The following PRKD2 variants were observed in gnomAD, a reference collection of about 807,000 sequenced individuals.
PRKD2 encodes the protein protein kinase D2.
PRKD2 carries 22 observed loss-of-function variants against 86.0 expected under a neutral mutation model. The observed-to-expected ratio is 0.26, with a 90% CI of 0.18 to 0.37. The LOEUF (loss-of-function observed/expected upper bound fraction) is 0.37. PRKD2 is among the 10% of genes least tolerant of loss of function. The pLI, the probability that PRKD2 is intolerant of heterozygous loss-of-function variation, is 1.00. For synonymous variants in PRKD2, 509 were observed against 510.9 expected, an observed-to-expected ratio of 1.00 and a Z score of 0.05; for missense variants, 818 against 1,199.2, an observed-to-expected ratio of 0.68 and a Z score of 4.70.
At chr19:46,682,132 G>A (rs1228668842) in intron 14 of PRKD2, among the ~76,000 whole-genome samples, 3 of 151,722 alleles carry the variant, frequency 2.0e-5, no homozygotes, top group East Asian at 3.9e-4. Flanking sequence ...TCAGCCTCCC[G>A]AGTAGCTGGG....
intron 1 of PRKD2, chr19:46,714,609 T>C (rs1236296360): frequency 2.0e-5 from 3 of 151,778 alleles, no homozygotes; most frequent in African/African-American, 4.8e-5. Context: ...TGAAACCTAG[T>C]AGAACAGAAA....
At chr19:46,704,783 A>C in intron 3 of PRKD2, 134 bp from the exon 4 acceptor site, 1 of 1,163,066 alleles carries the variant, frequency 8.6e-7, no homozygotes, top group Non-Finnish European at 1.2e-6. Context: ...ATCTCCTCCA[A>C]AAGGCACTAC....
chr19:46,695,048 A>T (rs2053537375), intron 9 of PRKD2, among the ~76,000 whole-genome samples: 1 of 151,866 alleles, frequency 6.6e-6, no homozygotes, highest in African/African-American at 2.4e-5. Context: ...ACAAAAAATA[A>T]AAAAACTAGC....
Position 46,678,561 on chromosome 19 carries a change from T to C in PRKD2, c.2173A>G (p.Asn725Asp), listed in dbSNP as rs768869479. 1 of 1,614,178 alleles carries C rather than the reference T, an allele frequency of 6.2e-7. No individual in the cohort carries two copies. The highest frequency in any genetic ancestry group is 1.1e-5 in the South Asian group (1 of 91,088). ...TCCAGCGAGCGGTTGTAGCCCTGGT[T>C]GAGCAGCACCTCGGGTGCCAGGTAG... ...PAYLAPEVLLNQGYNRSLDMW... is the reference protein window; with the variant it reads ...PAYLAPEVLLDQGYNRSLDMW... Residue 725 changes from asparagine to aspartate, a missense_variant, in exon 16 of 18, where the codon AAC becomes GAC. By Grantham distance (23) the Asn-to-Asp change is conservative. Coordinates refer to ENST00000291281, the MANE Select transcript of PRKD2 (RefSeq NM_016457.5). The surrounding 1 kb of genome is among the most constrained non-coding windows in gnomAD (Gnocchi z 5.7).
rs1322375437 is a variant in PRKD2 at position 46,674,672 on chromosome 19, G to C, written c.2488C>G (p.His830Asp). The C allele has an allele frequency of 6.2e-7, 1 of 1,606,418 alleles. No individual in the cohort carries two copies. The highest frequency in any genetic ancestry group is 8.5e-7 in the Non-Finnish European group (1 of 1,179,942). Residue 830 changes from histidine to aspartate, a missense_variant, in exon 18 of 18, where the codon CAT becomes GAT. His to Asp is a moderately conservative substitution (Grantham distance 81). Coordinates refer to ENST00000291281, the MANE Select transcript of PRKD2 (RefSeq NM_016457.5). ...TCCCAGCGCGCGTCGTCACTCTCAT[G>C]CGTGATGTATCGCTCTCCCATCTTC... ...EGKMGERYIT[H>D]ESDDARWEQF...
At chr19:46,690,272 C>T (rs370042855) in intron 13 of PRKD2, among the ~76,000 whole-genome samples, 61 of 152,292 alleles carry the variant, frequency 4.0e-4, no homozygotes, top group Non-Finnish European at 6.5e-4. Context: ...TGGCAGCCTG[C>T]GGGATTTTCC....
intron 2 of PRKD2, among the ~76,000 whole-genome samples, chr19:46,712,195 G>A (rs958372170): frequency 2.6e-5 from 4 of 152,084 alleles, no homozygotes; most frequent in African/African-American, 9.7e-5. Flanking sequence ...AGTGAGTGGT[G>A]GTCATGCCAC....
Position 46,716,658 on chromosome 19 carries a change from G to A in PRKD2, c.-288C>T, listed in dbSNP as rs1300086606. ...GCGATTGAGATTCCAAGAAGCCTGA[G>A]AGGAAATCTAGTAGGTCGGGGTCAC... On this transcript the variant is annotated 5_prime_UTR_variant, in exon 1 of 18. Transcript: ENST00000291281. This position sits in a 1 kb window ranked among gnomAD's most constrained non-coding sequence, Gnocchi z 7.9. 6.9e-6 allele frequency: 2 copies of A among 290,734 alleles called. No homozygotes were observed. The highest frequency in any genetic ancestry group is 1.3e-5 in the Non-Finnish European group (2 of 157,246). The allele number at this position is 290,734 out of a possible 1,614,324, so 18.0% of individuals were successfully genotyped here.
rs1002391018 is a variant in PRKD2, at chr19:46,716,657, A to C, written c.-287T>G. On this transcript the variant is annotated 5_prime_UTR_variant, in exon 1 of 18. Transcript: ENST00000291281. This position sits in a 1 kb window ranked among gnomAD's most constrained non-coding sequence, Gnocchi z 7.9. The stretch of plus-strand genomic sequence containing the variant: ...AGCGATTGAGATTCCAAGAAGCCTG[A>C]GAGGAAATCTAGTAGGTCGGGGTCA... 3.4e-6 allele frequency: 1 copy of C among 291,346 alleles called. No individual in the cohort carries two copies. Among genetic ancestry groups the C allele is most frequent in the African/African-American group, 2.2e-5 (1 of 45,706 alleles). 18.0% of individuals were successfully genotyped at this position (291,346 alleles called of 1,614,324 possible). A position where few individuals can be genotyped will look rare whatever the true frequency, so the allele number is the denominator to read the frequency against.
intron 13 of PRKD2, 86 bp downstream of exon 13, chr19:46,690,514 C>T (rs2053468045): frequency 8.1e-7 from 1 of 1,227,032 alleles, no homozygotes. Context: ...TGCCCTCCCC[C>T]AGGAAGCCTT....
chr19:46,704,355 G>A lies in PRKD2; in HGVS notation c.703C>T (p.Pro235Ser), dbSNP rs1202454227. 6.2e-7 allele frequency: 1 copy of A among 1,614,134 alleles called. No individual in the cohort carries two copies. The highest frequency in any genetic ancestry group is 8.5e-7 in the Non-Finnish European group (1 of 1,180,030). ...STTELLPRRP[P>S]SSSSSSSASS... ...GCAGAAGAGGAGGAAGAGGATGACG[G>A]GGGACGGCGAGGCAGGAGTTCGGTG... The change falls in exon 5 of 18, where the codon CCG becomes TCG. Residue 235 changes from proline (P) to serine (S), a missense_variant. This residue lies in a region of PRKD2 where 403 missense variants were observed against 518.6 expected (regional missense o/e 0.78). Transcript: ENST00000291281.
At chr19:46,692,903 G>A (rs1446011098) in intron 10 of PRKD2, among the ~76,000 whole-genome samples, 1 of 152,080 alleles carries the variant, frequency 6.6e-6, no homozygotes, top group Admixed American at 6.6e-5. Flanking sequence ...GGACCAAGTT[G>A]GATTACTCTC....
At chr19:46,714,261 C>T (rs1419821353) in intron 1 of PRKD2, 1 of 1,256,544 alleles carries the variant, frequency 8.0e-7, no homozygotes, top group Non-Finnish European at 1.0e-6. Context: ...AGAGTGGCTC[C>T]GGGAGCGTGG....
Position 46,697,737 on chromosome 19 carries a change from G to A in PRKD2, c.1235C>T (p.Thr412Met). 1.2e-6 allele frequency: 2 copies of A among 1,612,972 alleles called. No individual in the cohort carries two copies. The highest frequency in any genetic ancestry group is 1.7e-6 in the Non-Finnish European group (2 of 1,179,230). Residue 412 changes from threonine to methionine, a missense_variant, in exon 8 of 18, where the codon ACG (threonine) becomes ATG (methionine). Thr to Met is a moderately conservative substitution (Grantham distance 81). This residue lies in a region of PRKD2 where 127 missense variants were observed against 157.8 expected (regional missense o/e 0.80). Transcript: ENST00000291281. ...GWVVHYSNKD[T>M]LRKRHYWRLD... ...GGCCCCGCCCCGGCCACTCACCAGC[G>A]TGTCCTTGTTGCTGTAATGAACCAC...
chr19:46,708,793 T>G (rs1298145117), intron 3 of PRKD2, among the ~76,000 whole-genome samples: 1 of 152,126 alleles, frequency 6.6e-6, no homozygotes, highest in Non-Finnish European at 1.5e-5. Context: ...AGTAAATGTC[T>G]GTCATTTAAG....
rs777551098 is a variant in PRKD2, at chr19:46,697,711, C to T, written c.1239+22G>A. On this transcript the variant is annotated intron_variant, in intron 8 of 17. Transcript: ENST00000291281. The stretch of plus-strand genomic sequence containing the variant: ...CTTCCAGCCTTCGCTCCGCCGTACC[C>T]GGCCCCGCCCCGGCCACTCACCAGC... 6 of 1,595,794 alleles carry T rather than the reference C, an allele frequency of 3.8e-6. No individual in the cohort carries two copies. The Admixed American group carries it at 8.4e-5, about 22-fold the overall frequency.
At chr19:46,712,000 A>G (rs1247460779) in intron 2 of PRKD2, among the ~76,000 whole-genome samples, 1 of 151,392 alleles carries the variant, frequency 6.6e-6, no homozygotes, top group African/African-American at 2.4e-5. Flanking sequence ...CCCGGGAGGC[A>G]GAGGTTGCCG....
intron 2 of PRKD2, among the ~76,000 whole-genome samples, chr19:46,712,652 A>G (rs1568739131): frequency 1.3e-5 from 2 of 152,262 alleles, no homozygotes; most frequent in Non-Finnish European, 2.9e-5. Flanking sequence ...ATGAAAGAGT[A>G]CTTAAAGCCT....
chr19:46,684,939 G>T (rs2053372860), intron 14 of PRKD2, among the ~76,000 whole-genome samples: 1 of 147,304 alleles, frequency 6.8e-6, no homozygotes, highest in Admixed American at 7.0e-5. Flanking sequence ...CTCCAGCCTG[G>T]GCAACAGAGC....
Sources: gnomAD v4.1 joint callset for allele counts (sites outside exome capture counted in the v4.1 genomes callset) on GRCh38, gnomAD v4.1.1 for gene constraint, gnomAD v4.1.1 regional missense constraint, Gnocchi (gnomAD v3.1) non-coding constraint, MANE v1.5 for transcripts, NCBI Gene and HGNC (gene_info 2026-07-23, HGNC 2026-07-21) for gene names.